Variants in TBC1D32 observed in about 807,000 individuals in gnomAD.
TBC1D32 encodes the protein protein broad-minded.
TBC1D32 carries 151 observed loss-of-function variants against 170.3 expected under a neutral mutation model. The observed-to-expected ratio is 0.89, with a 90% CI of 0.78 to 1.01. The LOEUF is 1.01. TBC1D32 is among the 50% of genes least tolerant of loss of function. The pLI is 0.00. For missense variants in TBC1D32, 1,464 were observed against 1,457.1 expected (o/e 1.00, Z -0.08); for synonymous variants, 498 against 488.0 (o/e 1.02, Z -0.27).
At chr6:121,149,851 ATGGCC>A (rs1394777104) in intron 24 of TBC1D32, among the ~76,000 whole-genome samples, 2 of 152,134 alleles carry the variant, frequency 1.3e-5, no homozygotes, top group African/African-American at 4.8e-5. Flanking sequence ...TTTGGGCAGT[ATGGCC>A]ATTTTCATGA....
At chr6:121,283,952 T>A in intron 12 of TBC1D32, 42 bp from the exon 13 acceptor site, 2 of 1,404,924 alleles carry the variant, frequency 1.4e-6, no homozygotes, top group Non-Finnish European at 2.0e-6. Flanking sequence ...TCTAGCATAT[T>A]CTTTCAACTT....
intron 27 of TBC1D32, among the ~76,000 whole-genome samples, chr6:121,113,875 T>C (rs1713910815): frequency 1.3e-5 from 2 of 152,328 alleles, no homozygotes; most frequent in South Asian, 4.1e-4. Flanking sequence ...GTTCACCATT[T>C]TTTAAAAAGT....
At chr6:121,256,032 T>G in intron 16 of TBC1D32, 52 bp downstream of exon 16, 1 of 1,461,576 alleles carries the variant, frequency 6.8e-7, no homozygotes. Context: ...ATGGTGCTTA[T>G]ATTTGAAATA....
At chr6:121,254,270 A>C (rs1386139122) in intron 17 of TBC1D32, among the ~76,000 whole-genome samples, 1 of 152,174 alleles carries the variant, frequency 6.6e-6, no homozygotes, top group Non-Finnish European at 1.5e-5. Context: ...GGGATAAAAA[A>C]TTACATATTG....
At chr6:121,334,241 G>A in intron 1 of TBC1D32, 35 bp downstream of exon 1, 3 of 1,590,334 alleles carry the variant, frequency 1.9e-6, no homozygotes, top group Non-Finnish European at 2.6e-6. Context: ...CTGGATCGAT[G>A]GTTTATAGGC....
At chr6:121,199,228 CACCT>C (rs2128297094) in intron 22 of TBC1D32, among the ~76,000 whole-genome samples, 1 of 151,316 alleles carries the variant, frequency 6.6e-6, no homozygotes, top group South Asian at 2.1e-4. Flanking sequence ...AATAAAAAAA[CACCT>C]ACGTGTGTAA....
intron 2 of TBC1D32, among the ~76,000 whole-genome samples, chr6:121,318,952 CT>C (rs1809305709): frequency 6.7e-6 from 1 of 150,284 alleles, no homozygotes; most frequent in Non-Finnish European, 1.5e-5. Context: ...GAAATCAAAC[CT>C]GCTGGGGAAT....
intron 22 of TBC1D32, among the ~76,000 whole-genome samples, chr6:121,191,973 C>G (rs1471243807): frequency 6.6e-6 from 1 of 151,634 alleles, no homozygotes; most frequent in African/African-American, 2.4e-5. Context: ...CTTCAGTTTT[C>G]AGACTTGGAC....
intron 20 of TBC1D32, among the ~76,000 whole-genome samples, chr6:121,236,457 T>C (rs1345313638): frequency 6.6e-6 from 1 of 152,118 alleles, no homozygotes; most frequent in Non-Finnish European, 1.5e-5. Flanking sequence ...GGTATCTAGT[T>C]ATATATCGAA....
At chr6:121,267,316 G>T (rs1028112079) in intron 15 of TBC1D32, among the ~76,000 whole-genome samples, 7 of 152,142 alleles carry the variant, frequency 4.6e-5, no homozygotes, top group Admixed American at 4.6e-4. Flanking sequence ...AAGCAGGGCG[G>T]GGCATCGCCT....
intron 29 of TBC1D32, among the ~76,000 whole-genome samples, chr6:121,109,980 T>C (rs1779047636): frequency 6.6e-6 from 1 of 151,998 alleles, no homozygotes; most frequent in Non-Finnish European, 1.5e-5. Context: ...TATTAATTTA[T>C]GTGGCTCATG....
intron 26 of TBC1D32, among the ~76,000 whole-genome samples, chr6:121,121,581 C>T (rs1347555518): frequency 6.6e-6 from 1 of 151,934 alleles, no homozygotes; most frequent in Non-Finnish European, 1.5e-5. Flanking sequence ...TACACAGTTA[C>T]TATTATCGAA....
At chr6:121,222,272 T>G in intron 21 of TBC1D32, among the ~76,000 whole-genome samples, 1 of 152,196 alleles carries the variant, frequency 6.6e-6, no homozygotes, top group East Asian at 1.9e-4. Context: ...ACAAAAAATT[T>G]GTGTGACTTC....
chr6:121,306,108 T>A (rs968328153), intron 5 of TBC1D32, among the ~76,000 whole-genome samples: 1 of 152,172 alleles, frequency 6.6e-6, no homozygotes, highest in Non-Finnish European at 1.5e-5. Context: ...ATGTTAAAGA[T>A]AACCCTGAGA....
At chr6:121,256,330 T>TG in intron 15 of TBC1D32, 45 bp from the exon 16 acceptor site, 1 of 1,513,352 alleles carries the variant, frequency 6.6e-7, no homozygotes, top group Non-Finnish European at 9.0e-7. Flanking sequence ...ATATTAATCT[T>TG]GACTTCATAA....
Position 121,310,788 on chromosome 6 carries a change from T to C in TBC1D32, c.555A>G (p.Gln185=), listed in dbSNP as rs1426385208. ...QLILDQLDPG[Q]PKEVRYEALQ... is the part of the protein sequence containing the mutation. ...TATCCTTGAAACTTACCTCTTTAGGTTGCCCAGGATCCAACTGGTCTAAAA... is the reference window on the plus strand; with the variant it reads ...TATCCTTGAAACTTACCTCTTTAGGCTGCCCAGGATCCAACTGGTCTAAAA... The change falls in exon 4 of 32, where the codon CAA becomes CAG. Residue 185 remains glutamine (Q), a synonymous_variant. Transcript: ENST00000398212. The C allele has an allele frequency of 1.3e-6, 2 of 1,560,070 alleles. No homozygotes were observed. The highest frequency in any genetic ancestry group is 1.2e-5 in the South Asian group (1 of 86,210).
At chr6:121,226,391 T>A (rs1021244665) in intron 20 of TBC1D32, among the ~76,000 whole-genome samples, 1 of 152,138 alleles carries the variant, frequency 6.6e-6, no homozygotes, top group Admixed American at 6.6e-5. Flanking sequence ...AGGCAGGCAG[T>A]CAGGCAGAGA....
intron 30 of TBC1D32, among the ~76,000 whole-genome samples, chr6:121,098,603 T>C (rs990454172): frequency 8.6e-5 from 13 of 152,018 alleles, no homozygotes; most frequent in Non-Finnish European, 1.2e-4. Flanking sequence ...AAACACTGTG[T>C]CAGAAAATCA....
chr6:121,276,986 T>C (rs755496712), intron 15 of TBC1D32, among the ~76,000 whole-genome samples: 32 of 152,146 alleles, frequency 2.1e-4, no homozygotes, highest in Admixed American at 2.0e-3. Context: ...CCTCTATCAG[T>C]AATTGACAGA....
Sources: gnomAD v4.1 joint callset for allele counts (sites outside exome capture counted in the v4.1 genomes callset) on GRCh38, gnomAD v4.1.1 for gene constraint, MANE v1.5 for transcripts, NCBI Gene and HGNC (gene_info 2026-07-23, HGNC 2026-07-21) for gene names.